GATAD1: variants seen among roughly 807,000 people sequenced by gnomAD.
GATAD1 encodes the protein GATA zinc finger domain containing 1.
A neutral mutation model predicts 26.5 loss-of-function variants in GATAD1; 12 were observed. The ratio of observed to expected loss-of-function variants is 0.45; its 90% confidence interval spans 0.29 to 0.73. The LOEUF is 0.73. Among genes scored for constraint, GATAD1 ranks in the 30% least tolerant of loss-of-function variants. The pLI is 0.10. For synonymous variants in GATAD1, 129 were observed against 133.1 expected, an observed-to-expected ratio of 0.97 and a Z score of 0.21; for missense variants, 266 against 342.1, an observed-to-expected ratio of 0.78 and a Z score of 1.75.
At chr7:92,479,525 G>A in the GATAD1 span, among the ~76,000 whole-genome samples, 3 of 152,176 alleles carry the variant, frequency 2.0e-5, no homozygotes. Context: ...GTTACTTCAG[G>A]CCATCTGGAT....
chr7:92,447,710 GGCC>G lies in GATAD1; in HGVS notation c.-16_-14del. On this transcript the variant is annotated 5_prime_UTR_variant, in exon 1 of 5. Coordinates refer to ENST00000287957, the MANE Select transcript of GATAD1 (RefSeq NM_021167.5). ...ATTCCCGTGTCTCTGCGCCCGCGGG[GGCC>G]GCCCGAGCCGGCCACCATGCCGCTG... 6.9e-7 allele frequency: 1 copy of G among 1,446,490 alleles called. No homozygotes were observed. Among genetic ancestry groups the G allele is most frequent in the African/African-American group, 1.5e-5 (1 of 66,594 alleles). 89.6% of individuals were successfully genotyped at this position (1,446,490 alleles called of 1,614,324 possible). A position where few individuals can be genotyped will look rare whatever the true frequency, so the allele number is the denominator to read the frequency against.
rs10250187 is a variant in GATAD1 at position 92,459,543 on chromosome 7, C to T, written c.*2981C>T. On this transcript the variant is annotated 3_prime_UTR_variant, in exon 5 of 5. Coordinates refer to ENST00000287957, the MANE Select transcript of GATAD1 (RefSeq NM_021167.5). ...ACCACTAAAATCTTTCCCCTGTATG[C>T]CCGCCCAATTTTTCTGGCTCTGAGT... 0.11 allele frequency: 16,732 copies of T among 152,214 alleles called. 956 individuals are homozygous for T. Among genetic ancestry groups the T allele is most frequent in the Middle Eastern group, 0.13 (37 of 294 alleles). The allele number at this position is 152,214 out of a possible 1,614,324, so 9.4% of individuals were successfully genotyped here.
At chr7:92,450,606 G>T (rs1292221884) in intron 2 of GATAD1, 95 bp from the exon 3 acceptor site, 2 of 725,580 alleles carry the variant, frequency 2.8e-6, no homozygotes, top group African/African-American at 3.6e-5. Context: ...ATACATTTTA[G>T]TACTTCTCAA....
At position 92,458,787 on chromosome 7, in the gene GATAD1, A is replaced by G. The variant is rs1789798234; in HGVS notation, c.*2225A>G. 6.6e-6 allele frequency: 1 copy of G among 152,242 alleles called. No individual in the cohort carries two copies. Among genetic ancestry groups the G allele is most frequent in the Admixed American group, 6.5e-5 (1 of 15,282 alleles). The allele number at this position is 152,242 out of a possible 1,614,324, so 9.4% of individuals were successfully genotyped here. A position where few individuals can be genotyped will look rare whatever the true frequency, so the allele number is the denominator to read the frequency against. ...TAAAATTGATTGTAAATAACTTTCTAAGTGCCAATATTCAAAACTTTTGGA... is the reference window on the plus strand; with the variant it reads ...TAAAATTGATTGTAAATAACTTTCTGAGTGCCAATATTCAAAACTTTTGGA... On this transcript the variant is annotated 3_prime_UTR_variant, in exon 5 of 5. Transcript: ENST00000287957.
the GATAD1 span, among the ~76,000 whole-genome samples, chr7:92,478,659 A>G: frequency 6.6e-6 from 1 of 152,234 alleles, no homozygotes; most frequent in East Asian, 1.9e-4. Flanking sequence ...TGGCAGCTAG[A>G]AAGAGTAAAG....
At chr7:92,451,823 T>A (rs1789444319) in intron 3 of GATAD1, among the ~76,000 whole-genome samples, 1 of 152,252 alleles carries the variant, frequency 6.6e-6, no homozygotes, top group South Asian at 2.1e-4. Flanking sequence ...TATCCCCATT[T>A]TCTAGATGAG....
chr7:92,479,684 C>T, the GATAD1 span, among the ~76,000 whole-genome samples: 1 of 151,908 alleles, frequency 6.6e-6, no homozygotes, highest in Non-Finnish European at 1.5e-5. Flanking sequence ...AGATAATGGG[C>T]TATGTTTCTC....
Position 92,458,726 on chromosome 7 carries a change from C to A in GATAD1, c.*2164C>A, listed in dbSNP as rs957189336. The A allele has an allele frequency of 6.6e-6, 1 of 152,124 alleles. No individual in the cohort carries two copies. Among genetic ancestry groups the A allele is most frequent in the Non-Finnish European group, 1.5e-5 (1 of 68,020 alleles). The allele number at this position is 152,124 out of a possible 1,614,324, so 9.4% of individuals were successfully genotyped here. On this transcript the variant is annotated 3_prime_UTR_variant, in exon 5 of 5. Coordinates refer to ENST00000287957, the MANE Select transcript of GATAD1 (RefSeq NM_021167.5). ...AAAGAAACAACTATAGGTAGCTACA[C>A]GTACATAATTATCTCTTTATTCACA...
At chr7:92,465,058 G>A (rs1316314659), downstream of GATAD1, 2 of 152,218 alleles carry the variant, frequency 1.3e-5, no homozygotes, top group African/African-American at 2.4e-5. Context: ...CTTTGTAGAT[G>A]TACGGATTTA....
chr7:92,449,188 G>A, intron 2 of GATAD1: 1 of 1,036,440 alleles, frequency 9.6e-7, no homozygotes, highest in South Asian at 3.9e-5. Context: ...AGGAAGAGGA[G>A]AGATTATGGT....
At chr7:92,488,181 G>C in the GATAD1 span, among the ~76,000 whole-genome samples, 1 of 152,130 alleles carries the variant, frequency 6.6e-6, no homozygotes, top group African/African-American at 2.4e-5. Flanking sequence ...TGGATAAAGG[G>C]GGACTGCTAT....
chr7:92,478,112 T>TAA, the GATAD1 span: 12 of 152,350 alleles, frequency 7.9e-5, no homozygotes, highest in African/African-American at 2.9e-4. Flanking sequence ...GCCCCGTGTT[T>TAA]AAAGGTGGAC....
the GATAD1 span, chr7:92,486,885 C>A: frequency 6.6e-6 from 1 of 152,144 alleles, no homozygotes; most frequent in Non-Finnish European, 1.5e-5. Context: ...GAATGGATGT[C>A]ATTTAAATAT....
the GATAD1 span, among the ~76,000 whole-genome samples, chr7:92,474,329 C>T: frequency 6.6e-6 from 1 of 152,266 alleles, no homozygotes; most frequent in African/African-American, 2.4e-5. Context: ...ATTAGTTGGC[C>T]TTCAGAAGAG....
At position 92,454,704 on chromosome 7, in the gene GATAD1, A is replaced by G. The variant is rs1428710263; in HGVS notation, c.619+19A>G. 1.7e-5 allele frequency: 26 copies of G among 1,546,036 alleles called. No individual in the cohort carries two copies. Among genetic ancestry groups the G allele is most frequent in the Non-Finnish European group, 2.3e-5 (26 of 1,143,290 alleles). On this transcript the variant is annotated intron_variant, in intron 4 of 4. Transcript: ENST00000287957. ...ATCATAGGTAAGTTTGACAAATGGC[A>G]CAGGTTTTTTTTTAACTTAGTTAAC...
At chr7:92,448,688 A>C (rs1224506495) in intron 1 of GATAD1, 64 bp from the exon 2 acceptor site, 1 of 1,253,096 alleles carries the variant, frequency 8.0e-7, no homozygotes, top group African/African-American at 1.5e-5. Flanking sequence ...AGATGATTGT[A>C]CTGCAACCTT....
intron 1 of GATAD1, 64 bp from the exon 2 acceptor site, chr7:92,448,688 A>G (rs1224506495): frequency 7.2e-6 from 9 of 1,253,100 alleles, no homozygotes; most frequent in African/African-American, 1.5e-5. Context: ...AGATGATTGT[A>G]CTGCAACCTT....
chr7:92,490,755 A>G, the GATAD1 span, among the ~76,000 whole-genome samples: 2 of 152,222 alleles, frequency 1.3e-5, no homozygotes, highest in African/African-American at 4.8e-5. Context: ...GTGAACCACT[A>G]TTAATTTTTA....
chr7:92,490,310 G>T, the GATAD1 span: 1 of 221,594 alleles, frequency 4.5e-6, no homozygotes, highest in South Asian at 6.1e-5. Context: ...ACTGTTCTTG[G>T]GAATAAAAAT....
Sources: gnomAD v4.1 joint callset for allele counts (sites outside exome capture counted in the v4.1 genomes callset) on GRCh38, gnomAD v4.1.1 for gene constraint, MANE v1.5 for transcripts, NCBI Gene and HGNC (gene_info 2026-07-23, HGNC 2026-07-21) for gene names.